Variants in SCAMP1 observed in about 807,000 individuals in gnomAD.
SCAMP1 encodes the protein secretory carrier membrane protein 1, also known as secretory carrier-associated membrane protein 1.
A neutral mutation model predicts 41.8 loss-of-function variants in SCAMP1; 15 were observed. That is an observed-to-expected ratio of 0.36 (90% confidence interval 0.24 to 0.55). The LOEUF is 0.55. Among genes scored for constraint, SCAMP1 ranks in the 20% least tolerant of loss-of-function variants. SCAMP1 has a pLI of 0.86. For missense variants in SCAMP1, 341 were observed against 412.6 expected (o/e 0.83, Z 1.50); for synonymous variants, 135 against 136.8 (o/e 0.99, Z 0.09).
At chr5:78,462,590 C>G (rs776394760) in intron 8 of SCAMP1, among the ~76,000 whole-genome samples, 4 of 152,076 alleles carry the variant, frequency 2.6e-5, no homozygotes, top group African/African-American at 4.8e-5. Context: ...TCCCAAAGTT[C>G]GGGATTACAG....
chr5:78,431,505 A>G (rs1470091312), intron 6 of SCAMP1, among the ~76,000 whole-genome samples: 2 of 132,542 alleles, frequency 1.5e-5, no homozygotes, highest in African/African-American at 5.7e-5. Flanking sequence ...TATTCCAACT[A>G]TTCTTTGTTT....
chr5:78,435,882 C>A (rs1752740241), intron 6 of SCAMP1, among the ~76,000 whole-genome samples: 1 of 152,214 alleles, frequency 6.6e-6, no homozygotes. Context: ...TCCTCTCCAG[C>A]ATCTGTTGTT....
At chr5:78,441,767 G>A (rs1284294626) in intron 6 of SCAMP1, among the ~76,000 whole-genome samples, 1 of 152,190 alleles carries the variant, frequency 6.6e-6, no homozygotes, top group African/African-American at 2.4e-5. Context: ...GGCGGAGTGA[G>A]CCAAGATCAG....
At chr5:78,430,004 T>TCTC (rs1752563166) in intron 6 of SCAMP1, among the ~76,000 whole-genome samples, 2 of 151,352 alleles carry the variant, frequency 1.3e-5, no homozygotes, top group African/African-American at 2.4e-5. Context: ...GTTAGACTAG[T>TCTC]ATTTGGAGTT....
chr5:78,394,380 T>G (rs896547984), intron 2 of SCAMP1, among the ~76,000 whole-genome samples: 1 of 152,100 alleles, frequency 6.6e-6, no homozygotes, highest in Non-Finnish European at 1.5e-5. Context: ...AGGAAAATGT[T>G]GAGTTAAATA....
chr5:78,459,645 A>ATAT (rs1753533438), intron 8 of SCAMP1, among the ~76,000 whole-genome samples: 1 of 152,214 alleles, frequency 6.6e-6, no homozygotes, highest in African/African-American at 2.4e-5. Context: ...GGATTTTTAA[A>ATAT]TATACTCTAA....
At chr5:78,401,801 T>C (rs902910994) in intron 2 of SCAMP1, among the ~76,000 whole-genome samples, 1 of 152,182 alleles carries the variant, frequency 6.6e-6, no homozygotes, top group African/African-American at 2.4e-5. Context: ...TTTGTTGATT[T>C]TTTTCTATTG....
intron 8 of SCAMP1, among the ~76,000 whole-genome samples, chr5:78,469,890 T>TAAAA (rs141989832): frequency 7.3e-4 from 11 of 15,014 alleles, no homozygotes; most frequent in Admixed American, 2.2e-3. Flanking sequence ...TACAAGACAT[T>TAAAA]AAAAAAAAAA....
chr5:78,440,664 A>T (rs1210841798), intron 6 of SCAMP1, among the ~76,000 whole-genome samples: 3 of 152,188 alleles, frequency 2.0e-5, no homozygotes, highest in African/African-American at 7.2e-5. Context: ...TCAGGGACCC[A>T]CTTGAGGAGG....
At chr5:78,373,799 A>T (rs1232643621) in intron 1 of SCAMP1, among the ~76,000 whole-genome samples, 1 of 152,134 alleles carries the variant, frequency 6.6e-6, no homozygotes, top group Non-Finnish European at 1.5e-5. Flanking sequence ...TTGCCAGTGG[A>T]CCATCTAATT....
rs562792366 is a variant in SCAMP1, at chr5:78,466,123, A to G, written c.852+6761A>G. On this transcript the variant is annotated intron_variant, in intron 8 of 8. Transcript: ENST00000621999. ...TGTATTATTGAGGGTGTTTTATAGAAGTAGAAATGTAATACATTTTGAGTA... is the reference window on the plus strand; with the variant it reads ...TGTATTATTGAGGGTGTTTTATAGAGGTAGAAATGTAATACATTTTGAGTA... 1.3e-3 allele frequency among the ~76,000 whole-genome samples: 196 copies of G among 152,370 alleles called. 1 individual carries two copies. Among genetic ancestry groups the G allele is most frequent in the Non-Finnish European group, 1.9e-3 (129 of 68,042 alleles).
intron 7 of SCAMP1, among the ~76,000 whole-genome samples, chr5:78,457,457 G>T (rs371216604): frequency 1.3e-5 from 2 of 152,070 alleles, no homozygotes; most frequent in African/African-American, 4.8e-5. Flanking sequence ...TAAGGTGTCA[G>T]TGTGCCCCTG....
intron 8 of SCAMP1, 68 bp downstream of exon 8, chr5:78,459,430 C>G: frequency 1.2e-5 from 10 of 818,508 alleles, no homozygotes; most frequent in Non-Finnish European, 1.6e-5. Flanking sequence ...TCCTATTTTG[C>G]TATAATTTGG....
At chr5:78,395,338 C>G (rs1411908868) in intron 2 of SCAMP1, among the ~76,000 whole-genome samples, 1 of 152,152 alleles carries the variant, frequency 6.6e-6, no homozygotes, top group Non-Finnish European at 1.5e-5. Flanking sequence ...GACTGACTCC[C>G]CATTGTATAG....
intron 6 of SCAMP1, among the ~76,000 whole-genome samples, chr5:78,442,714 G>T (rs1752956291): frequency 1.3e-5 from 2 of 152,116 alleles, no homozygotes; most frequent in Non-Finnish European, 1.5e-5. Context: ...GATTTTGTCT[G>T]TTTAAGCTTT....
At chr5:78,432,806 G>T (rs1752655533) in intron 6 of SCAMP1, among the ~76,000 whole-genome samples, 1 of 151,994 alleles carries the variant, frequency 6.6e-6, no homozygotes, top group African/African-American at 2.4e-5. Context: ...GTCATTCACT[G>T]TCTCTTTACA....
intron 6 of SCAMP1, among the ~76,000 whole-genome samples, chr5:78,444,500 C>G (rs139065337): frequency 6.6e-6 from 1 of 152,264 alleles, no homozygotes; most frequent in African/African-American, 2.4e-5. Context: ...TTACTTGCCA[C>G]CAGGTCCCTC....
At position 78,469,863 on chromosome 5, in the gene SCAMP1, A is replaced by T. The variant is rs115164070; in HGVS notation, c.853-5641A>T. On this transcript the variant is annotated intron_variant, in intron 8 of 8. Transcript: ENST00000621999. ...AGATCAGCCTGGGCAACATAATGAGACTACCCTCCAACCCCTTACAAGACA... is the reference window on the plus strand; with the variant it reads ...AGATCAGCCTGGGCAACATAATGAGTCTACCCTCCAACCCCTTACAAGACA... Among the ~76,000 whole-genome samples, 926 of 134,772 alleles carry T rather than the reference A, an allele frequency of 6.9e-3. 10 individuals carry two copies. The highest frequency in any genetic ancestry group is 0.024 in the African/African-American group (879 of 36,932). The allele number at this position is 134,772 out of a possible 152,430, so 88.4% of individuals were successfully genotyped here. A position where few individuals can be genotyped will look rare whatever the true frequency, so the allele number is the denominator to read the frequency against.
At chr5:78,444,322 AG>A (rs1229151931) in intron 6 of SCAMP1, among the ~76,000 whole-genome samples, 1 of 152,220 alleles carries the variant, frequency 6.6e-6, no homozygotes, top group Non-Finnish European at 1.5e-5. Flanking sequence ...ATGGCTGGGG[AG>A]GCCTCACAAT....
Sources: allele counts gnomAD v4.1 joint callset (sites outside exome capture counted in the v4.1 genomes callset), GRCh38; gene constraint gnomAD v4.1.1; transcripts MANE v1.5; gene names NCBI Gene and HGNC (gene_info 2026-07-23, HGNC 2026-07-21).